Variants in ULK4 observed in about 807,000 individuals in gnomAD.
The protein encoded by ULK4 is inactive serine/threonine-protein kinase ULK4.
In ULK4, 133 loss-of-function variants were observed where a neutral mutation model predicts 160.6. The observed-to-expected ratio is 0.83, with a 90% confidence interval of 0.72 to 0.96. The LOEUF (loss-of-function observed/expected upper bound fraction) is 0.96, where lower values mean the gene tolerates loss of function less well. Ranked by LOEUF, ULK4 falls within the 40% of genes least tolerant of loss-of-function variation. The pLI is 0.00. For missense variants in ULK4, 1,580 were observed against 1,499.5 expected, an observed-to-expected ratio of 1.05 and a Z score of -0.89; for synonymous variants, 534 against 539.8, an observed-to-expected ratio of 0.99 and a Z score of 0.15.
intron 2 of ULK4, among the ~76,000 whole-genome samples, chr3:41,951,940 C>G (rs538697330): frequency 6.6e-6 from 1 of 152,218 alleles, no homozygotes; most frequent in East Asian, 1.9e-4. Flanking sequence ...ACTTCCCAGC[C>G]CCAAGAACTG....
intron 20 of ULK4, 34 bp from the exon 21 acceptor site, chr3:41,789,877 C>T (rs2040097901): frequency 1.3e-6 from 2 of 1,491,050 alleles, no homozygotes; most frequent in Middle Eastern, 3.6e-4. Flanking sequence ...TGTCAGGCAA[C>T]TCCAAGTGCA....
At chr3:41,843,970 T>C (rs2042002063) in intron 17 of ULK4, among the ~76,000 whole-genome samples, 1 of 152,092 alleles carries the variant, frequency 6.6e-6, no homozygotes, top group Non-Finnish European at 1.5e-5. Flanking sequence ...CCAGAGTAGC[T>C]AGATACAGAG....
At chr3:41,923,176 T>A (rs577761637) in intron 5 of ULK4, among the ~76,000 whole-genome samples, 2 of 151,096 alleles carry the variant, frequency 1.3e-5, no homozygotes, top group South Asian at 4.2e-4. Flanking sequence ...CTCAAAAAAA[T>A]AAATAAATAA....
chr3:41,826,983 C>G (rs1015613744), intron 18 of ULK4, among the ~76,000 whole-genome samples: 18 of 150,474 alleles, frequency 1.2e-4, no homozygotes, highest in Non-Finnish European at 2.4e-4. Flanking sequence ...TGCAATCAAA[C>G]TAGAACTCAG....
intron 35 of ULK4, among the ~76,000 whole-genome samples, chr3:41,263,665 C>T (rs1184039478): frequency 6.6e-6 from 1 of 152,156 alleles, no homozygotes; most frequent in Non-Finnish European, 1.5e-5. Flanking sequence ...TATCATACAT[C>T]CTGAATTTGA....
intron 31 of ULK4, among the ~76,000 whole-genome samples, chr3:41,599,672 C>A (rs1213467061): frequency 6.7e-6 from 1 of 148,324 alleles, no homozygotes; most frequent in Non-Finnish European, 1.5e-5. Flanking sequence ...TCAAACAATT[C>A]TCCCACCCCA....
intron 32 of ULK4, among the ~76,000 whole-genome samples, chr3:41,523,203 C>T (rs943589249): frequency 6.6e-6 from 1 of 152,264 alleles, no homozygotes; most frequent in African/African-American, 2.4e-5. Flanking sequence ...GCCACTGTGC[C>T]CAGCCCCAGA....
At chr3:41,849,371 G>C (rs1291498029) in intron 17 of ULK4, among the ~76,000 whole-genome samples, 1 of 152,132 alleles carries the variant, frequency 6.6e-6, no homozygotes, top group African/African-American at 2.4e-5. Context: ...TGACACCAGG[G>C]TTGCAAAACA....
chr3:41,928,536 C>CA (rs35116501), intron 5 of ULK4, among the ~76,000 whole-genome samples: 20,744 of 141,278 alleles, frequency 0.15, 1,622 homozygotes, highest in Middle Eastern at 0.27. Flanking sequence ...AAAAACCCTT[C>CA]AAAAAAAAAA....
chr3:41,918,795 G>T (rs1699066813), intron 6 of ULK4, among the ~76,000 whole-genome samples: 1 of 151,916 alleles, frequency 6.6e-6, no homozygotes, highest in South Asian at 2.1e-4. Flanking sequence ...TAGAGATGGG[G>T]TTTCACCGTG....
At chr3:41,400,507 A>C (rs571853815) in intron 34 of ULK4, among the ~76,000 whole-genome samples, 4 of 152,308 alleles carry the variant, frequency 2.6e-5, no homozygotes, top group Non-Finnish European at 5.9e-5. Flanking sequence ...TTTGTGTATC[A>C]ATAGTTCATT....
chr3:41,372,325 C>T (rs187068503), intron 35 of ULK4, among the ~76,000 whole-genome samples: 9 of 152,154 alleles, frequency 5.9e-5, no homozygotes, highest in African/African-American at 9.6e-5. Context: ...GGAAGAGCAA[C>T]CCCAAGAAAC....
rs1553654814 is a variant in ULK4 at position 41,794,686 on chromosome 3, A to AAAAAAAAAAAAAC, written c.2011-4844_2011-4843insGTTTTTTTTTTTT. 1.3e-3 allele frequency among the ~76,000 whole-genome samples: 146 copies of AAAAAAAAAAAAAC among 112,410 alleles called. 7 individuals carry two copies. The highest frequency in any genetic ancestry group is 5.6e-3 in the African/African-American group (136 of 24,150). 73.7% of individuals were successfully genotyped at this position (112,410 alleles called of 152,430 possible). ...AAAAAAAAAAAAAAAAAAAAAAAAA[A>AAAAAAAAAAAAAC]CACAGAAAAAAAAACCACAAACCTG... On this transcript the variant is annotated intron_variant, in intron 20 of 36. Transcript: ENST00000301831.
chr3:41,814,908 CTTTTTTTTTT>C lies in ULK4; in HGVS notation c.1848+4505_1848+4514del, dbSNP rs201381514. Among the ~76,000 whole-genome samples, 5 of 127,438 alleles carry C rather than the reference CTTTTTTTTTT, an allele frequency of 3.9e-5. No individual in the cohort carries two copies. In the East Asian group the frequency reaches 1.1e-3, roughly 27 times the overall value. 83.6% of individuals were successfully genotyped at this position (127,438 alleles called of 152,430 possible). The stretch of plus-strand genomic sequence containing the variant: ...ATACTGTTTATTTTCTAATTCTGTC[CTTTTTTTTTT>C]TTTTTTTTGAGATGGAGTCTTGTTC... On this transcript the variant is annotated intron_variant, in intron 19 of 36. Coordinates refer to ENST00000301831, the MANE Select transcript of ULK4 (RefSeq NM_017886.4).
At chr3:41,377,161 T>C (rs1258518254) in intron 35 of ULK4, among the ~76,000 whole-genome samples, 2 of 152,170 alleles carry the variant, frequency 1.3e-5, no homozygotes, top group African/African-American at 2.4e-5. Context: ...CTGGGAAAAC[T>C]GGCTAGCCAT....
chr3:41,762,856 A>G (rs537335833), intron 21 of ULK4, among the ~76,000 whole-genome samples: 1 of 151,812 alleles, frequency 6.6e-6, no homozygotes, highest in African/African-American at 2.4e-5. Context: ...TAGTAGAGAC[A>G]GGGTTTCACT....
chr3:41,723,419 T>G (rs756778925), intron 22 of ULK4, among the ~76,000 whole-genome samples: 1 of 152,136 alleles, frequency 6.6e-6, no homozygotes, highest in Non-Finnish European at 1.5e-5. Context: ...CTCCTCCTCT[T>G]GTCTTTCACA....
At chr3:41,374,158 C>T (rs961791022) in intron 35 of ULK4, among the ~76,000 whole-genome samples, 2 of 151,978 alleles carry the variant, frequency 1.3e-5, no homozygotes, top group Admixed American at 6.6e-5. Flanking sequence ...GCATTCCAAA[C>T]AAAAAAAGCC....
intron 34 of ULK4, among the ~76,000 whole-genome samples, chr3:41,420,664 T>C (rs931687282): frequency 6.6e-6 from 1 of 151,654 alleles, no homozygotes; most frequent in South Asian, 2.1e-4. Context: ...TTTGTATTTT[T>C]AGTAGAGATT....
Sources: gnomAD v4.1 joint callset for allele counts (sites outside exome capture counted in the v4.1 genomes callset) on GRCh38, gnomAD v4.1.1 for gene constraint, MANE v1.5 for transcripts, NCBI Gene and HGNC (gene_info 2026-07-23, HGNC 2026-07-21) for gene names.